CNTN1: variants seen among roughly 807,000 people sequenced by gnomAD.
The protein encoded by CNTN1 is contactin-1.
Under a neutral mutation model 126.4 loss-of-function variants are expected in CNTN1, and 38 were observed. That is an observed-to-expected ratio of 0.30 (90% confidence interval 0.23 to 0.39). CNTN1 has a LOEUF of 0.39. Ranked by LOEUF, CNTN1 falls within the 10% of genes least tolerant of loss-of-function variation. CNTN1 has a pLI of 1.00. For missense variants in CNTN1, 1,009 were observed against 1,248.4 expected (o/e 0.81, Z 2.89); for synonymous variants, 413 against 422.6 (o/e 0.98, Z 0.28).
Position 41,003,613 on chromosome 12 carries a change from T to C in CNTN1, c.2113+10344T>C, listed in dbSNP as rs113578736. Among the ~76,000 whole-genome samples, 772 of 151,934 alleles carry C rather than the reference T, an allele frequency of 5.1e-3. 5 individuals are homozygous for C. The highest frequency in any genetic ancestry group is 0.018 in the African/African-American group (732 of 41,446). On this transcript the variant is annotated intron_variant, in intron 17 of 23. Transcript: ENST00000551295. ...TTTTGGTTAGTTGGCTATTTATTACTAACTCAATTTTAGAGCTCATTATTG... is the reference window on the plus strand; with the variant it reads ...TTTTGGTTAGTTGGCTATTTATTACCAACTCAATTTTAGAGCTCATTATTG...
chr12:40,769,841 G>A (rs1057098055), intron 1 of CNTN1, among the ~76,000 whole-genome samples: 1 of 152,080 alleles, frequency 6.6e-6, no homozygotes, highest in African/African-American at 2.4e-5. Context: ...AATATTTATA[G>A]AAATATACCT....
intron 1 of CNTN1, among the ~76,000 whole-genome samples, chr12:40,694,698 A>G (rs752121906): frequency 5.9e-5 from 9 of 152,206 alleles, no homozygotes; most frequent in Non-Finnish European, 1.3e-4. Flanking sequence ...TTGAAGATAA[A>G]TTATTTAATC....
In CNTN1 at chr12:40,939,284, T is replaced by G. The variant is rs192786134; in HGVS notation, c.1229-51T>G. On this transcript the variant is annotated intron_variant, in intron 11 of 23. Transcript: ENST00000551295. ...AAGATTCTACAACACAGAAGCAATG[T>G]TTAGGCTTTACAAACAGAAAGAGAA... is the stretch of plus-strand genomic sequence containing the variant. 1.3e-4 allele frequency: 207 copies of G among 1,591,410 alleles called. No individual in the cohort carries two copies. In the African/African-American group the frequency reaches 2.7e-3, roughly 20 times the overall value.
chr12:40,967,718 C>T (rs1342864792), intron 15 of CNTN1, among the ~76,000 whole-genome samples: 1 of 151,982 alleles, frequency 6.6e-6, no homozygotes, highest in Non-Finnish European at 1.5e-5. Flanking sequence ...TACAGATAAT[C>T]AGAGATACCT....
At chr12:40,851,522 G>T (rs1410910972) in intron 1 of CNTN1, among the ~76,000 whole-genome samples, 1 of 152,150 alleles carries the variant, frequency 6.6e-6, no homozygotes, top group Non-Finnish European at 1.5e-5. Flanking sequence ...CCTCTCTGGG[G>T]TTAGTCTTGC....
At chr12:40,866,172 A>ATG (rs1943288828) in intron 1 of CNTN1, among the ~76,000 whole-genome samples, 1 of 152,098 alleles carries the variant, frequency 6.6e-6, no homozygotes, top group African/African-American at 2.4e-5. Flanking sequence ...ATCTACCCTG[A>ATG]AACCTTGCTG....
At chr12:40,896,498 T>C (rs1321840715) in intron 1 of CNTN1, among the ~76,000 whole-genome samples, 1 of 152,204 alleles carries the variant, frequency 6.6e-6, no homozygotes, top group Non-Finnish European at 1.5e-5. Context: ...TACCCTTGTC[T>C]CCTAGCCTCA....
In CNTN1 at chr12:40,937,598, A is replaced by T; in HGVS notation, c.1139A>T (p.Asp380Val). 4.3e-6 allele frequency: 7 copies of T among 1,610,368 alleles called. No homozygotes were observed. The highest frequency in any genetic ancestry group is 5.9e-6 in the Non-Finnish European group (7 of 1,176,722). Residue 380 changes from aspartate to valine, a missense_variant, in exon 11 of 24, where the codon GAT becomes GTT. Transcript: ENST00000551295. ...AYHKGELRLY[D>V]VTFENAGMYQ... ...CATAAAGGGGAATTAAGACTGTATG[A>T]TGTGACTTTTGAAAATGCCGGAATG...
chr12:40,907,852 C>T (rs1003569777), intron 1 of CNTN1, among the ~76,000 whole-genome samples: 4 of 152,168 alleles, frequency 2.6e-5, no homozygotes, highest in Admixed American at 2.0e-4. Flanking sequence ...CCTTAAGCCA[C>T]TAACAGAAAA....
intron 1 of CNTN1, among the ~76,000 whole-genome samples, chr12:40,744,279 T>A (rs187573836): frequency 6.9e-6 from 1 of 145,616 alleles, no homozygotes; most frequent in East Asian, 2.0e-4. Context: ...TGCACATGTA[T>A]CCTGGAACTT....
At chr12:40,811,839 A>G (rs1941077759) in intron 1 of CNTN1, among the ~76,000 whole-genome samples, 1 of 151,110 alleles carries the variant, frequency 6.6e-6, no homozygotes, top group Admixed American at 6.6e-5. Flanking sequence ...AAAAAAAAAA[A>G]ACTCTTAGTG....
chr12:40,884,256 C>T (rs539055588), intron 1 of CNTN1, among the ~76,000 whole-genome samples: 79 of 151,272 alleles, frequency 5.2e-4, no homozygotes, highest in South Asian at 1.2e-3. Flanking sequence ...TTTCTGCCTT[C>T]TATTTGATTA....
intron 1 of CNTN1, among the ~76,000 whole-genome samples, chr12:40,740,481 A>C (rs1020664170): frequency 6.6e-6 from 1 of 152,092 alleles, no homozygotes; most frequent in African/African-American, 2.4e-5. Flanking sequence ...AAATGTGTCA[A>C]CTCCTTACAT....
chr12:40,707,298 G>A (rs1211810423), intron 1 of CNTN1, among the ~76,000 whole-genome samples: 2 of 128,840 alleles, frequency 1.6e-5, no homozygotes, highest in Non-Finnish European at 3.1e-5. Flanking sequence ...GCCCAGGCTG[G>A]AGTGCAGTGG....
At chr12:40,880,589 T>C (rs1943837844) in intron 1 of CNTN1, among the ~76,000 whole-genome samples, 1 of 152,038 alleles carries the variant, frequency 6.6e-6, no homozygotes, top group African/African-American at 2.4e-5. Context: ...GAAACTTTAC[T>C]CTTAAGCAAG....
chr12:40,938,031 T>C (rs1946139063), intron 11 of CNTN1, among the ~76,000 whole-genome samples: 1 of 152,188 alleles, frequency 6.6e-6, no homozygotes, highest in South Asian at 2.1e-4. Context: ...ATTTTGAGAA[T>C]GACCAGACCA....
At chr12:41,064,212 A>C (rs2121129641) in intron 23 of CNTN1, among the ~76,000 whole-genome samples, 1 of 151,942 alleles carries the variant, frequency 6.6e-6, no homozygotes, top group Middle Eastern at 3.4e-3. Context: ...AAATTGTAAA[A>C]GAACAAGAGG....
intron 1 of CNTN1, among the ~76,000 whole-genome samples, chr12:40,712,588 A>T (rs1019405467): frequency 6.6e-6 from 1 of 152,230 alleles, no homozygotes; most frequent in Middle Eastern, 3.4e-3. Context: ...AGCAAGCCCA[A>T]CCAACCCCAT....
chr12:40,851,691 AATTT>A (rs1942720136), intron 1 of CNTN1, among the ~76,000 whole-genome samples: 4 of 152,090 alleles, frequency 2.6e-5, no homozygotes, highest in Admixed American at 1.3e-4. Flanking sequence ...GCAGAAGAGA[AATTT>A]ATTCACACAG....
Sources: allele counts gnomAD v4.1 joint callset (sites outside exome capture counted in the v4.1 genomes callset), GRCh38; gene constraint gnomAD v4.1.1; transcripts MANE v1.5; gene names NCBI Gene and HGNC (gene_info 2026-07-23, HGNC 2026-07-21).